Variants in KIAA1549L observed in about 807,000 individuals in gnomAD.
KIAA1549L encodes the protein UPF0606 protein KIAA1549L.
Under a neutral mutation model 160.7 loss-of-function variants are expected in KIAA1549L, and 88 were observed. That is an observed-to-expected ratio of 0.55 (90% CI 0.46 to 0.65). The LOEUF (loss-of-function observed/expected upper bound fraction) is 0.65, where lower values mean the gene tolerates loss of function less well. KIAA1549L is among the 30% of genes least tolerant of loss of function. The pLI is 0.00. For synonymous variants in KIAA1549L, 950 were observed against 976.7 expected (o/e 0.97, Z 0.51); for missense variants, 2,258 against 2,437.5 (o/e 0.93, Z 1.55).
intron 12 of KIAA1549L, among the ~76,000 whole-genome samples, chr11:33,598,584 C>T (rs1017908695): frequency 5.3e-5 from 8 of 152,160 alleles, no homozygotes; most frequent in East Asian, 1.9e-4. Flanking sequence ...CCCAAGGCTG[C>T]GCTCACTGAA....
intron 7 of KIAA1549L, 28 bp downstream of exon 7, chr11:33,559,939 C>T: frequency 6.2e-7 from 1 of 1,604,294 alleles, no homozygotes; most frequent in Non-Finnish European, 8.5e-7. Context: ...TATGGGGACC[C>T]CAGTGTTTCC....
chr11:33,561,846 A>T, intron 8 of KIAA1549L, 111 bp downstream of exon 8: 1 of 770,594 alleles, frequency 1.3e-6, no homozygotes, highest in Non-Finnish European at 2.2e-6. Context: ...CTCCTGTCTT[A>T]TAAGTCAGGA....
chr11:33,422,047 G>T (rs567127064), intron 1 of KIAA1549L, among the ~76,000 whole-genome samples: 6 of 152,114 alleles, frequency 3.9e-5, no homozygotes, highest in Non-Finnish European at 8.8e-5. Context: ...CATGACACTT[G>T]TTTGTGCTAT....
chr11:33,578,071 C>T (rs760723064), intron 10 of KIAA1549L, among the ~76,000 whole-genome samples: 6 of 152,114 alleles, frequency 3.9e-5, no homozygotes, highest in Admixed American at 2.6e-4. Flanking sequence ...GTACTTGGGA[C>T]GGGCATGAAA....
At chr11:33,574,564 A>C in intron 9 of KIAA1549L, 138 bp from the exon 10 acceptor site, 1 of 652,584 alleles carries the variant, frequency 1.5e-6, no homozygotes. Context: ...GAGGCTGGAT[A>C]TAGGGAGGTA....
intron 16 of KIAA1549L, among the ~76,000 whole-genome samples, chr11:33,630,519 T>A (rs1363490850): frequency 6.6e-6 from 1 of 152,278 alleles, no homozygotes; most frequent in East Asian, 1.9e-4. Context: ...AAGCGCAGTA[T>A]TCGGGTGGGA....
At chr11:33,497,266 G>A (rs556955077) in intron 1 of KIAA1549L, among the ~76,000 whole-genome samples, 2 of 152,282 alleles carry the variant, frequency 1.3e-5, no homozygotes, top group African/African-American at 4.8e-5. Context: ...ATACTTTCCA[G>A]CACAAAGGGG....
intron 1 of KIAA1549L, among the ~76,000 whole-genome samples, chr11:33,378,263 A>C (rs544029994): frequency 6.6e-6 from 1 of 152,146 alleles, no homozygotes; most frequent in Non-Finnish European, 1.5e-5. Flanking sequence ...GATGATGTTC[A>C]TTTGTTCAGC....
Position 33,392,541 on chromosome 11 carries a change from G to A in KIAA1549L, c.238+15652G>A, listed in dbSNP as rs118126897. ...TGAGTTTTTACAAATGTATACACCT[G>A]TGTATCCCAAATCCCTGTCAAGATA... On this transcript the variant is annotated intron_variant, in intron 1 of 20. Transcript: ENST00000658780. 7.9e-3 allele frequency among the ~76,000 whole-genome samples: 1,208 copies of A among 152,212 alleles called. 27 individuals are homozygous for A. Among genetic ancestry groups the A allele is most frequent in the East Asian group, 0.042 (219 of 5,180 alleles).
chr11:33,592,351 A>G (rs1024449933), intron 12 of KIAA1549L, among the ~76,000 whole-genome samples: 5 of 152,122 alleles, frequency 3.3e-5, no homozygotes, highest in Non-Finnish European at 7.4e-5. Flanking sequence ...TGTGGATGAG[A>G]GATGGGAGAG....
chr11:33,634,928 T>C (rs1851398231), intron 16 of KIAA1549L, among the ~76,000 whole-genome samples: 1 of 151,328 alleles, frequency 6.6e-6, no homozygotes, highest in Non-Finnish European at 1.5e-5. Flanking sequence ...GAATGAAATT[T>C]GAAATTTTGC....
At chr11:33,567,759 G>T (rs191099996) in intron 8 of KIAA1549L, among the ~76,000 whole-genome samples, 28 of 152,268 alleles carry the variant, frequency 1.8e-4, no homozygotes, top group Non-Finnish European at 3.8e-4. Context: ...GGCAGCATTC[G>T]CAGTGTCACA....
chr11:33,467,635 A>G (rs1361283829), intron 1 of KIAA1549L, among the ~76,000 whole-genome samples: 1 of 152,198 alleles, frequency 6.6e-6, no homozygotes, highest in African/African-American at 2.4e-5. Flanking sequence ...CAGTGTTCCC[A>G]TTTGTGTTTT....
At chr11:33,485,423 CTTAT>C (rs1288095409) in intron 1 of KIAA1549L, among the ~76,000 whole-genome samples, 1 of 151,760 alleles carries the variant, frequency 6.6e-6, no homozygotes, top group African/African-American at 2.4e-5. Flanking sequence ...CAATGTGTAC[CTTAT>C]TTAAAGAATA....
chr11:33,416,188 T>G (rs548330331), intron 1 of KIAA1549L, among the ~76,000 whole-genome samples: 67 of 152,290 alleles, frequency 4.4e-4, no homozygotes, highest in African/African-American at 1.5e-3. Flanking sequence ...CACCGCCTTC[T>G]TGGGCCACAG....
At chr11:33,391,624 T>C (rs1470716617) in intron 1 of KIAA1549L, among the ~76,000 whole-genome samples, 1 of 152,212 alleles carries the variant, frequency 6.6e-6, no homozygotes, top group Admixed American at 6.5e-5. Flanking sequence ...GGCTTCAGTG[T>C]GCTGCTTAAG....
intron 1 of KIAA1549L, among the ~76,000 whole-genome samples, chr11:33,481,864 G>T (rs907481584): frequency 1.3e-5 from 2 of 152,196 alleles, no homozygotes; most frequent in East Asian, 3.8e-4. Flanking sequence ...CCTGAACGAG[G>T]ATTATGCTCT....
At chr11:33,666,082 C>T (rs1391857674) in intron 20 of KIAA1549L, among the ~76,000 whole-genome samples, 1 of 152,120 alleles carries the variant, frequency 6.6e-6, no homozygotes, top group Non-Finnish European at 1.5e-5. Context: ...CAGATCCTGC[C>T]TGCTTCTGGC....
chr11:33,535,096 A>T (rs1853864254), intron 1 of KIAA1549L, among the ~76,000 whole-genome samples: 1 of 152,054 alleles, frequency 6.6e-6, no homozygotes, highest in Non-Finnish European at 1.5e-5. Context: ...GGAAGAATCC[A>T]CTTCCAAGCT....
Sources: gnomAD v4.1 joint callset for allele counts (sites outside exome capture counted in the v4.1 genomes callset) on GRCh38, gnomAD v4.1.1 for gene constraint, MANE v1.5 for transcripts, NCBI Gene and HGNC (gene_info 2026-07-23, HGNC 2026-07-21) for gene names.